ESYT2: variants seen among roughly 807,000 people sequenced by gnomAD.
ESYT2 encodes extended synaptotagmin 2.
ESYT2 carries 54 observed loss-of-function variants against 107.2 expected under a neutral mutation model. That is an observed-to-expected ratio of 0.50 (90% CI 0.40 to 0.63). The LOEUF (loss-of-function observed/expected upper bound fraction) is 0.63. ESYT2 is among the 30% of genes least tolerant of loss of function. The probability of loss-of-function intolerance (pLI) is 0.00; values close to 1 mark genes in which losing one functional copy is unlikely to be tolerated. For missense variants in ESYT2, 1,020 were observed against 1,094.5 expected (o/e 0.93, Z 0.96); for synonymous variants, 491 against 434.1 (o/e 1.13, Z -1.63).
intron 1 of ESYT2, among the ~76,000 whole-genome samples, chr7:158,806,149 G>A (rs1338519449): frequency 2.7e-5 from 4 of 147,068 alleles, no homozygotes; most frequent in African/African-American, 8.1e-5. Context: ...GGCACACCGC[G>A]TAGGAGGCGC....
At chr7:158,816,857 T>C (rs985893790) in intron 1 of ESYT2, among the ~76,000 whole-genome samples, 3 of 152,252 alleles carry the variant, frequency 2.0e-5, no homozygotes, top group African/African-American at 7.2e-5. Context: ...TATTGTTACT[T>C]TGTATTGGAT....
chr7:158,755,468 G>A (rs1837721912), intron 13 of ESYT2, among the ~76,000 whole-genome samples: 1 of 152,178 alleles, frequency 6.6e-6, no homozygotes, highest in Admixed American at 6.5e-5. Flanking sequence ...GCAAAAGGAA[G>A]CAGTTGTAGA....
At chr7:158,824,671 G>A (rs1840386363) in intron 1 of ESYT2, among the ~76,000 whole-genome samples, 1 of 152,158 alleles carries the variant, frequency 6.6e-6, no homozygotes, top group Admixed American at 6.5e-5. Flanking sequence ...AAGACCAACT[G>A]TCAGAACAGT....
intron 4 of ESYT2, among the ~76,000 whole-genome samples, chr7:158,790,780 T>G (rs1056578371): frequency 6.6e-6 from 1 of 151,992 alleles, no homozygotes; most frequent in Non-Finnish European, 1.5e-5. Flanking sequence ...GCATAAAAAT[T>G]AGTCAGGCAT....
At chr7:158,782,120 AGT>A (rs1456585942) in intron 6 of ESYT2, among the ~76,000 whole-genome samples, 10 of 131,290 alleles carry the variant, frequency 7.6e-5, no homozygotes, top group East Asian at 2.3e-4. Context: ...GTGAGGTGTG[AGT>A]GTAAGAACGA....
At chr7:158,809,474 CA>C (rs67422901) in intron 1 of ESYT2, among the ~76,000 whole-genome samples, 41 of 49,746 alleles carry the variant, frequency 8.2e-4, no homozygotes, top group East Asian at 3.2e-3. Flanking sequence ...GAATCCATCT[CA>C]AAAAAAAAAA....
At chr7:158,793,837 G>T in intron 3 of ESYT2, 111 bp from the exon 4 acceptor site, 1 of 870,222 alleles carries the variant, frequency 1.1e-6, no homozygotes, top group Non-Finnish European at 1.8e-6. Flanking sequence ...GACTACAACA[G>T]GAATTAAAAT....
chr7:158,809,499 C>CAAAAAAAA (rs1839934303), intron 1 of ESYT2, among the ~76,000 whole-genome samples: 1 of 108,594 alleles, frequency 9.2e-6, no homozygotes, highest in South Asian at 2.7e-4. Flanking sequence ...AAAAAAAAAC[C>CAAAAAAAA]AGGGGGGATG....
At position 158,787,683 on chromosome 7, in the gene ESYT2, T is replaced by C. The variant is rs190291898; in HGVS notation, c.747+321A>G. On this transcript the variant is annotated intron_variant, in intron 6 of 22. Transcript: ENST00000275418. ...ATGTTAACATTTAGCTTTAGAGTCA[T>C]GAGGATTAAATGAGCAAATATCTAT... Among the ~76,000 whole-genome samples the C allele has an allele frequency of 4.8e-3, 733 of 152,342 alleles. 6 individuals are homozygous for C. The highest frequency in any genetic ancestry group is 0.014 in the Middle Eastern group (4 of 294).
intron 7 of ESYT2, 89 bp downstream of exon 7, chr7:158,773,252 C>T: frequency 6.9e-7 from 1 of 1,438,896 alleles, no homozygotes; most frequent in Non-Finnish European, 9.8e-7. Flanking sequence ...AGACGCAGGT[C>T]TTAACCATTC....
chr7:158,781,834 CAAGT>C (rs1388163534), intron 6 of ESYT2, among the ~76,000 whole-genome samples: 2 of 149,434 alleles, frequency 1.3e-5, no homozygotes, highest in Admixed American at 1.3e-4. Flanking sequence ...ATAACGAGAA[CAAGT>C]GTGTGTGAAC....
intron 1 of ESYT2, among the ~76,000 whole-genome samples, chr7:158,828,272 T>C (rs1235173895): frequency 1.3e-5 from 2 of 152,214 alleles, no homozygotes; most frequent in Non-Finnish European, 2.9e-5. Flanking sequence ...CAGCTGTCAT[T>C]ACGTTTTTTA....
chr7:158,777,022 T>C (rs771273151), intron 6 of ESYT2, among the ~76,000 whole-genome samples: 2 of 151,752 alleles, frequency 1.3e-5, no homozygotes, highest in Admixed American at 6.6e-5. Context: ...CCAGCTAATT[T>C]TTGTATTTTT....
At chr7:158,793,349 A>G (rs1320701410) in intron 4 of ESYT2, among the ~76,000 whole-genome samples, 2 of 152,184 alleles carry the variant, frequency 1.3e-5, no homozygotes, top group Non-Finnish European at 2.9e-5. Flanking sequence ...TGCCGAATTC[A>G]GTTTGCTAGT....
chr7:158,761,434 C>A lies in ESYT2; in HGVS notation c.1233+62G>T, dbSNP rs368076914. The A allele has an allele frequency of 3.8e-5, 58 of 1,520,972 alleles. No individual in the cohort carries two copies. In the East Asian group the frequency reaches 6.1e-4, roughly 16 times the overall value. 94.2% of individuals were successfully genotyped at this position (1,520,972 alleles called of 1,614,324 possible). A position where few individuals can be genotyped will look rare whatever the true frequency, so the allele number is the denominator to read the frequency against. On this transcript the variant is annotated intron_variant, in intron 11 of 22. Transcript: ENST00000275418. ...GGTGAAGGGGTGGTTCGTGGCTCCTCTGGCACAGGGCAGGGACTCAGTCAA... is the reference window on the plus strand; with the variant it reads ...GGTGAAGGGGTGGTTCGTGGCTCCTATGGCACAGGGCAGGGACTCAGTCAA...
At chr7:158,818,619 G>A (rs1353593934) in intron 1 of ESYT2, among the ~76,000 whole-genome samples, 3 of 152,206 alleles carry the variant, frequency 2.0e-5, no homozygotes, top group South Asian at 2.1e-4. Context: ...TGACTCAGAC[G>A]GCTGACCCGA....
intron 20 of ESYT2, among the ~76,000 whole-genome samples, chr7:158,736,369 T>C (rs1005116177): frequency 5.3e-5 from 8 of 152,216 alleles, no homozygotes; most frequent in Admixed American, 1.3e-4. Flanking sequence ...ACTGTATTAT[T>C]ATCATTTCCC....
intron 6 of ESYT2, among the ~76,000 whole-genome samples, chr7:158,775,028 A>G (rs2129472635): frequency 6.6e-6 from 1 of 152,282 alleles, no homozygotes; most frequent in Non-Finnish European, 1.5e-5. Context: ...TTTCCTATAC[A>G]GGCATGCCTC....
intron 8 of ESYT2, among the ~76,000 whole-genome samples, chr7:158,765,802 T>C (rs567186211): frequency 3.7e-4 from 56 of 151,896 alleles, no homozygotes; most frequent in Non-Finnish European, 6.3e-4. Context: ...GTTTTATTGA[T>C]AAAATAAAAA....
Sources: allele counts gnomAD v4.1 joint callset (sites outside exome capture counted in the v4.1 genomes callset), GRCh38; gene constraint gnomAD v4.1.1; transcripts MANE v1.5; gene names NCBI Gene and HGNC (gene_info 2026-07-23, HGNC 2026-07-21).